Variants in LPA observed in about 807,000 individuals in gnomAD.
LPA encodes the protein lipoprotein(a), also known as apolipoprotein(a).
A neutral mutation model predicts 197.9 loss-of-function variants in LPA; 199 were observed. The ratio of observed to expected loss-of-function variants is 1.01; its 90% CI spans 0.90 to 1.13. The LOEUF is 1.13. Among genes scored for constraint, LPA ranks in the 50% most tolerant of loss-of-function variants. The pLI is 0.00. For missense variants in LPA, 1,853 were observed against 1,785.8 expected, an observed-to-expected ratio of 1.04 and a Z score of -0.68; for synonymous variants, 715 against 639.5, an observed-to-expected ratio of 1.12 and a Z score of -1.78.
intron 1 of LPA, among the ~76,000 whole-genome samples, chr6:160,654,028 A>G (rs1397784649): frequency 0.041 from 277 of 6,766 alleles, 43 homozygotes; most frequent in African/African-American, 0.12. Flanking sequence ...ATAATATATA[A>G]TATATATTAT....
At chr6:160,574,289 G>T (rs752110489) in intron 28 of LPA, among the ~76,000 whole-genome samples, 11 of 151,860 alleles carry the variant, frequency 7.2e-5, no homozygotes, top group Non-Finnish European at 1.5e-4. Context: ...TCCAGGTGGG[G>T]GGAAAGTCAG....
chr6:160,584,733 G>T (rs1172389568), intron 26 of LPA, among the ~76,000 whole-genome samples: 1 of 152,098 alleles, frequency 6.6e-6, no homozygotes, highest in African/African-American at 2.4e-5. Context: ...AAGACTGCAT[G>T]GACCTTTAGT....
At chr6:160,591,184 A>G (rs1779023378) in intron 22 of LPA, 83 bp from the exon 23 acceptor site, 1 of 1,525,576 alleles carries the variant, frequency 6.6e-7, no homozygotes, top group Non-Finnish European at 9.0e-7. Flanking sequence ...TTGTTGTAAC[A>G]AAGTGGTAAA....
Position 160,611,196 on chromosome 6 carries a change from T to C in LPA, c.2603+366A>G, listed in dbSNP as rs530876298. ...GCCCAGACAGAAAAGGCAAACACAA[T>C]CTTCCCTTCAGGAATTGGAAGTCAG... On this transcript the variant is annotated intron_variant, in intron 16 of 38. Coordinates refer to ENST00000316300, the MANE Select transcript of LPA (RefSeq NM_005577.4). 3.3e-3 allele frequency among the ~76,000 whole-genome samples: 508 copies of C among 152,122 alleles called. 1 individual carries two copies. The highest frequency in any genetic ancestry group is 5.9e-3 in the Non-Finnish European group (403 of 67,928).
At chr6:160,588,332 G>T (rs1472275516) in intron 24 of LPA, among the ~76,000 whole-genome samples, 1 of 152,070 alleles carries the variant, frequency 6.6e-6, no homozygotes, top group Non-Finnish European at 1.5e-5. Flanking sequence ...TGGAAGAAGG[G>T]TTGTTGGAGT....
intron 16 of LPA, among the ~76,000 whole-genome samples, chr6:160,609,942 T>G (rs1394889394): frequency 1.3e-5 from 2 of 152,146 alleles, no homozygotes; most frequent in Non-Finnish European, 2.9e-5. Flanking sequence ...ATTTCTTCAT[T>G]TAAGACATAC....
chr6:160,576,647 CAT>C (rs1170597073), intron 28 of LPA, among the ~76,000 whole-genome samples: 7 of 134,204 alleles, frequency 5.2e-5, no homozygotes, highest in Non-Finnish European at 9.4e-5. Flanking sequence ...AATATTCAGA[CAT>C]ATATATAAAT....
At chr6:160,647,487 C>A (rs1393936644) in intron 2 of LPA, among the ~76,000 whole-genome samples, 1 of 152,160 alleles carries the variant, frequency 6.6e-6, no homozygotes, top group Non-Finnish European at 1.5e-5. Flanking sequence ...GTCCCAGACC[C>A]TCCATTCCAG....
At chr6:160,661,932 C>G (rs1054802350) in intron 1 of LPA, among the ~76,000 whole-genome samples, 1 of 152,144 alleles carries the variant, frequency 6.6e-6, no homozygotes, top group Non-Finnish European at 1.5e-5. Flanking sequence ...GCAGAGCAGG[C>G]TACAATTGAT....
intron 1 of LPA, among the ~76,000 whole-genome samples, chr6:160,655,386 G>A (rs1462604332): frequency 2.6e-5 from 4 of 152,138 alleles, no homozygotes; most frequent in Admixed American, 6.6e-5. Flanking sequence ...TTGGATCTGC[G>A]GGGTCATGTG....
chr6:160,611,612 T>C lies in LPA; in HGVS notation c.2553A>G (p.Ser851=). The C allele has an allele frequency of 6.3e-7, 1 of 1,599,352 alleles. No homozygotes were observed. Among genetic ancestry groups the C allele is most frequent in the Non-Finnish European group, 8.5e-7 (1 of 1,177,236 alleles). The change falls in exon 16 of 39, where the codon TCA becomes TCG. Residue 851 remains serine, a synonymous_variant. Coordinates refer to ENST00000316300, the MANE Select transcript of LPA (RefSeq NM_005577.4). ...GACTATGCGAGTGTGGTGTCATAGA[T>C]GACCAAGCTTGGCAGGTTCTTCCAG... ...TVTGRTCQAW[S]SMTPHSHSRT... is the part of the protein sequence containing the mutation.
intron 24 of LPA, among the ~76,000 whole-genome samples, chr6:160,587,000 T>G (rs1778924306): frequency 6.6e-6 from 1 of 152,244 alleles, no homozygotes; most frequent in South Asian, 2.1e-4. Flanking sequence ...ATACAAATGT[T>G]TATCTGTCAG....
At chr6:160,548,710 G>A in intron 30 of LPA, 51 bp from the exon 31 acceptor site, 1 of 1,575,886 alleles carries the variant, frequency 6.3e-7, no homozygotes, top group Non-Finnish European at 8.7e-7. Context: ...AATATTCAGG[G>A]ACATCCAGCA....
chr6:160,651,308 G>A (rs1309997452), intron 1 of LPA, among the ~76,000 whole-genome samples: 1 of 152,110 alleles, frequency 6.6e-6, no homozygotes, highest in East Asian at 1.9e-4. Flanking sequence ...TGTGTATGAA[G>A]ATATCCCCTC....
intron 1 of LPA, 26 bp downstream of exon 1, chr6:160,664,140 T>C: frequency 6.3e-7 from 1 of 1,582,062 alleles, no homozygotes; most frequent in Non-Finnish European, 8.6e-7. Context: ...AAATAATTCT[T>C]ATAATTTAAA....
At chr6:160,651,315 C>T (rs1582900212) in intron 1 of LPA, among the ~76,000 whole-genome samples, 1 of 152,052 alleles carries the variant, frequency 6.6e-6, no homozygotes, top group African/African-American at 2.4e-5. Flanking sequence ...GAAGATATCC[C>T]CTCTGTAGTG....
At position 160,605,074 on chromosome 6, in the gene LPA, T is replaced by A. The variant is rs1431167909; in HGVS notation, c.2917A>T (p.Ser973Cys). 1.9e-6 allele frequency: 3 copies of A among 1,613,770 alleles called. No individual in the cohort carries two copies. In the African/African-American group the frequency reaches 4.0e-5, roughly 22 times the overall value. ...AWSSMTPHSHSRTPAYYPNAG... is the reference protein window; with the variant it reads ...AWSSMTPHSHCRTPAYYPNAG... Reference sequence around the variant, plus strand: ...TTTGGGTAGTATGCTGGGGTCCGACTATGCGAGTGTGGTGTCATAGATGAC... The same window carrying A: ...TTTGGGTAGTATGCTGGGGTCCGACAATGCGAGTGTGGTGTCATAGATGAC... Residue 973 changes from serine to cysteine, a missense_variant, in exon 18 of 39, where the codon AGT becomes TGT. Physicochemically the swap from Ser to Cys is moderately radical, Grantham distance 112. Coordinates refer to ENST00000316300, the MANE Select transcript of LPA (RefSeq NM_005577.4).
intron 1 of LPA, among the ~76,000 whole-genome samples, chr6:160,654,305 A>C (rs957482359): frequency 1.3e-5 from 2 of 149,280 alleles, no homozygotes. Context: ...AATTCAGTCT[A>C]GTCTTTTCAC....
At position 160,586,580 on chromosome 6, in the gene LPA, C is replaced by G; in HGVS notation, c.3998G>C (p.Trp1333Ser). The change falls in exon 25 of 39, where the codon TGG becomes TCG. Residue 1333 changes from tryptophan to serine, a missense_variant. By Grantham distance (177) the Trp-to-Ser change is radical. This residue lies in a region of LPA where 1,737 missense variants were observed against 1,504.4 expected (regional missense o/e 1.15). Coordinates refer to ENST00000316300, the MANE Select transcript of LPA (RefSeq NM_005577.4). Reference sequence around the variant, plus strand: ...GACACTGGGATCCATGGTATAACACCAAGGGCGAATCTCAGCATCTGGATT... The same window carrying G: ...GACACTGGGATCCATGGTATAACACGAAGGGCGAATCTCAGCATCTGGATT... ...CRNPDAEIRP[W>S]CYTMDPSVRW... is the part of the protein sequence containing the mutation. 1 of 1,613,710 alleles carries G rather than the reference C, an allele frequency of 6.2e-7. No individual in the cohort carries two copies. Among genetic ancestry groups the G allele is most frequent in the Non-Finnish European group, 8.5e-7 (1 of 1,179,798 alleles).
Sources: allele counts gnomAD v4.1 joint callset (sites outside exome capture counted in the v4.1 genomes callset), GRCh38; gene constraint gnomAD v4.1.1; regional missense constraint gnomAD v4.1.1; transcripts MANE v1.5; gene names NCBI Gene and HGNC (gene_info 2026-07-23, HGNC 2026-07-21).